The following RALGPS2 variants were observed in gnomAD, a reference collection of about 807,000 sequenced individuals.
The protein encoded by RALGPS2 is Ral GEF with PH domain and SH3 binding motif 2.
A neutral mutation model predicts 86.8 loss-of-function variants in RALGPS2; 43 were observed. The ratio of observed to expected loss-of-function variants is 0.50; its 90% CI spans 0.39 to 0.64. The LOEUF is 0.64. Ranked by LOEUF, RALGPS2 falls within the 30% of genes least tolerant of loss-of-function variation. The pLI is 0.00. For synonymous variants in RALGPS2, 243 were observed against 231.3 expected, an observed-to-expected ratio of 1.05 and a Z score of -0.46; for missense variants, 536 against 694.6, an observed-to-expected ratio of 0.77 and a Z score of 2.57.
intron 4 of RALGPS2, among the ~76,000 whole-genome samples, chr1:178,805,213 T>G (rs1352000396): frequency 6.7e-6 from 1 of 148,220 alleles, no homozygotes; most frequent in Non-Finnish European, 1.5e-5. Context: ...AAAAATTTTC[T>G]CCCATTTTGT....
chr1:178,800,104 C>T (rs182472193), intron 4 of RALGPS2, among the ~76,000 whole-genome samples: 21 of 152,168 alleles, frequency 1.4e-4, no homozygotes, highest in African/African-American at 9.6e-5. Context: ...TGGAGATGAA[C>T]GCTTCTGAGC....
At chr1:178,838,540 C>G (rs1656404688) in intron 8 of RALGPS2, among the ~76,000 whole-genome samples, 1 of 152,088 alleles carries the variant, frequency 6.6e-6, no homozygotes, top group African/African-American at 2.4e-5. Context: ...CATCAAAGAC[C>G]AAAGGTAGAT....
chr1:178,839,585 T>A (rs1572386336), intron 8 of RALGPS2, among the ~76,000 whole-genome samples: 2 of 152,226 alleles, frequency 1.3e-5, no homozygotes, highest in African/African-American at 4.8e-5. Context: ...CCATTGATGC[T>A]AGGAAGAAAC....
chr1:178,760,633 C>T (rs989375894), intron 1 of RALGPS2, among the ~76,000 whole-genome samples: 1 of 152,186 alleles, frequency 6.6e-6, no homozygotes, highest in African/African-American at 2.4e-5. Flanking sequence ...ATCCAGTGTG[C>T]CACTCTATGT....
At chr1:178,859,695 CTT>C (rs1190050936) in intron 8 of RALGPS2, among the ~76,000 whole-genome samples, 7 of 108,250 alleles carry the variant, frequency 6.5e-5, no homozygotes, top group South Asian at 2.9e-4. Flanking sequence ...ACACGAAGCA[CTT>C]TTTTTTTTTT....
chr1:178,867,093 A>G (rs1490186824), intron 8 of RALGPS2, among the ~76,000 whole-genome samples: 1 of 152,156 alleles, frequency 6.6e-6, no homozygotes, highest in Non-Finnish European at 1.5e-5. Context: ...AAATTTCCAC[A>G]TAAGTACCTG....
At chr1:178,731,700 A>G (rs76866336) in intron 1 of RALGPS2, among the ~76,000 whole-genome samples, 6,496 of 152,070 alleles carry the variant, frequency 0.043, 484 homozygotes, top group African/African-American at 0.15. Flanking sequence ...TGTCCCTGAT[A>G]TTTTATGTAT....
chr1:178,891,916 G>GT lies in RALGPS2; in HGVS notation c.1248-304dup, dbSNP rs34211444. 6.7e-3 allele frequency among the ~76,000 whole-genome samples: 1,002 copies of GT among 149,922 alleles called. 8 individuals are homozygous for GT. Among genetic ancestry groups the GT allele is most frequent in the Non-Finnish European group, 0.011 (746 of 67,164 alleles). On this transcript the variant is annotated intron_variant, in intron 14 of 19. Transcript: ENST00000367635. ...TAAGAATTTTTGAAGTATTTTTGAG[G>GT]TTTTTTTTTTATTATTTGGCTATAA...
intron 6 of RALGPS2, among the ~76,000 whole-genome samples, chr1:178,819,928 C>A (rs934746162): frequency 6.6e-6 from 1 of 152,118 alleles, no homozygotes; most frequent in African/African-American, 2.4e-5. Flanking sequence ...AGTACACATC[C>A]ATAATATCTT....
At chr1:178,740,491 G>A (rs1454436247) in intron 1 of RALGPS2, among the ~76,000 whole-genome samples, 1 of 152,200 alleles carries the variant, frequency 6.6e-6, no homozygotes, top group Admixed American at 6.5e-5. Context: ...AGCTGAAGCT[G>A]CAAAGATGTG....
At chr1:178,844,063 G>T (rs543945110) in intron 8 of RALGPS2, among the ~76,000 whole-genome samples, 1 of 152,132 alleles carries the variant, frequency 6.6e-6, no homozygotes, top group Non-Finnish European at 1.5e-5. Context: ...AAAAACTTCA[G>T]CATTTATAAA....
At chr1:178,816,901 G>A (rs1440226621) in intron 6 of RALGPS2, among the ~76,000 whole-genome samples, 1 of 151,760 alleles carries the variant, frequency 6.6e-6, no homozygotes, top group Non-Finnish European at 1.5e-5. Flanking sequence ...TAGAGATGGG[G>A]TTTCACCATG....
At chr1:178,859,428 G>C (rs575760192) in intron 8 of RALGPS2, among the ~76,000 whole-genome samples, 1 of 128,694 alleles carries the variant, frequency 7.8e-6, no homozygotes, top group East Asian at 2.1e-4. Flanking sequence ...TTTTTGAGAC[G>C]GAGTCTCGCT....
chr1:178,911,958 A>G (rs953340943), intron 19 of RALGPS2, among the ~76,000 whole-genome samples: 3 of 152,184 alleles, frequency 2.0e-5, no homozygotes, highest in African/African-American at 7.2e-5. Flanking sequence ...ATCATTATGT[A>G]ATGCCCTTCT....
intron 19 of RALGPS2, among the ~76,000 whole-genome samples, chr1:178,908,227 C>T (rs1408953018): frequency 2.0e-5 from 3 of 152,160 alleles, no homozygotes; most frequent in African/African-American, 7.2e-5. Flanking sequence ...TTAATGGTCT[C>T]CAGCTGCATT....
At position 178,921,724 on chromosome 1, in the gene RALGPS2, CT is replaced by C. The variant is rs1404339365; in HGVS notation, c.*5370del. On this transcript the variant is annotated 3_prime_UTR_variant, in exon 20 of 20. Coordinates refer to ENST00000367635, the MANE Select transcript of RALGPS2 (RefSeq NM_152663.5). ...TTGGTTCCTCTCTCACTTTTTGTTT[CT>C]TTTTAATATGCAAATGTGAGTGTGC... 2.0e-5 allele frequency: 3 copies of C among 151,994 alleles called. No homozygotes were observed. The highest frequency in any genetic ancestry group is 2.0e-4 in the Admixed American group (3 of 15,250). The allele number at this position is 151,994 out of a possible 1,614,324, so 9.4% of individuals were successfully genotyped here. A position where few individuals can be genotyped will look rare whatever the true frequency, so the allele number is the denominator to read the frequency against.
chr1:178,919,735 A>G lies in RALGPS2; in HGVS notation c.*3376A>G, dbSNP rs1441129945. 1 of 152,090 alleles carries G rather than the reference A, an allele frequency of 6.6e-6. No homozygotes were observed. The highest frequency in any genetic ancestry group is 1.5e-5 in the Non-Finnish European group (1 of 67,946). 9.4% of individuals were successfully genotyped at this position (152,090 alleles called of 1,614,324 possible). ...TTCCATCCATTAGCTTTTTAAATGAATAGATCTGGTATTGATTTCCTTCCT... is the reference window on the plus strand; with the variant it reads ...TTCCATCCATTAGCTTTTTAAATGAGTAGATCTGGTATTGATTTCCTTCCT... On this transcript the variant is annotated 3_prime_UTR_variant, in exon 20 of 20. Transcript: ENST00000367635.
At chr1:178,907,247 A>G (rs1660425585) in intron 19 of RALGPS2, among the ~76,000 whole-genome samples, 1 of 152,202 alleles carries the variant, frequency 6.6e-6, no homozygotes, top group Admixed American at 6.5e-5. Context: ...GTGCTGTGTA[A>G]GGGAAGAGCA....
chr1:178,915,259 G>A (rs770935302), intron 19 of RALGPS2, among the ~76,000 whole-genome samples: 36 of 152,040 alleles, frequency 2.4e-4, no homozygotes, highest in Non-Finnish European at 2.9e-5. Context: ...TTGAGACAGG[G>A]TTTCACTCTT....
Sources: allele counts gnomAD v4.1 joint callset (sites outside exome capture counted in the v4.1 genomes callset), GRCh38; gene constraint gnomAD v4.1.1; transcripts MANE v1.5; gene names NCBI Gene and HGNC (gene_info 2026-07-23, HGNC 2026-07-21).